ADGRB3: variants seen among roughly 807,000 people sequenced by gnomAD.
ADGRB3 encodes adhesion G protein-coupled receptor B3, also known as brain-specific angiogenesis inhibitor 3.
In ADGRB3, 37 loss-of-function variants were observed where a neutral mutation model predicts 193.4. The observed-to-expected ratio is 0.19, with a 90% CI of 0.15 to 0.25. ADGRB3 has a LOEUF of 0.25. ADGRB3 is among the 10% of genes least tolerant of loss of function. ADGRB3 has a pLI of 1.00. For missense variants in ADGRB3, 1,637 were observed against 1,852.9 expected (o/e 0.88, Z 2.14); for synonymous variants, 690 against 644.2 (o/e 1.07, Z -1.08).
chr6:69,326,199 C>T (rs1397829352), intron 21 of ADGRB3, among the ~76,000 whole-genome samples: 4 of 152,134 alleles, frequency 2.6e-5, no homozygotes, highest in Non-Finnish European at 4.4e-5. Flanking sequence ...GCCAAGATCA[C>T]ACCACGACAC....
chr6:68,939,466 C>G (rs1353213616), intron 5 of ADGRB3, among the ~76,000 whole-genome samples: 1 of 152,042 alleles, frequency 6.6e-6, no homozygotes, highest in East Asian at 1.9e-4. Flanking sequence ...TAAGTAGTAC[C>G]ATTGAGAAGA....
chr6:69,151,908 T>A (rs1281612254), intron 17 of ADGRB3, among the ~76,000 whole-genome samples: 1 of 152,186 alleles, frequency 6.6e-6, no homozygotes, highest in Non-Finnish European at 1.5e-5. Flanking sequence ...GCTGTTCTTG[T>A]GATAGTGAGT....
chr6:68,767,547 A>G (rs1410655742), intron 3 of ADGRB3, among the ~76,000 whole-genome samples: 1 of 152,214 alleles, frequency 6.6e-6, no homozygotes, highest in Non-Finnish European at 1.5e-5. Context: ...ATCTCAAAAT[A>G]ATAAGAGCTA....
intron 8 of ADGRB3, among the ~76,000 whole-genome samples, chr6:68,967,347 T>G (rs1768412036): frequency 6.6e-6 from 1 of 152,154 alleles, no homozygotes; most frequent in Non-Finnish European, 1.5e-5. Flanking sequence ...ATGTGGTTGG[T>G]CAAAGGAAAA....
intron 3 of ADGRB3, among the ~76,000 whole-genome samples, chr6:68,745,556 T>A (rs1766067611): frequency 6.6e-6 from 1 of 152,054 alleles, no homozygotes; most frequent in South Asian, 2.1e-4. Flanking sequence ...TTAGTAAAGT[T>A]TGTTATGTGT....
intron 17 of ADGRB3, among the ~76,000 whole-genome samples, chr6:69,137,667 G>T (rs1300963377): frequency 6.6e-6 from 1 of 151,944 alleles, no homozygotes; most frequent in African/African-American, 2.4e-5. Flanking sequence ...CATGGTGGCT[G>T]GCTCCTGTAG....
chr6:69,147,659 T>C (rs1774543177), intron 17 of ADGRB3, among the ~76,000 whole-genome samples: 1 of 152,190 alleles, frequency 6.6e-6, no homozygotes, highest in Admixed American at 6.5e-5. Context: ...ATTAAGTCCA[T>C]TTGGGCTATA....
intron 3 of ADGRB3, among the ~76,000 whole-genome samples, chr6:68,898,396 A>T (rs139859790): frequency 6.6e-6 from 1 of 152,244 alleles, no homozygotes; most frequent in African/African-American, 2.4e-5. Context: ...TACTGATTTA[A>T]ATGCTAATCT....
At chr6:68,812,237 A>G (rs1490016907) in intron 3 of ADGRB3, among the ~76,000 whole-genome samples, 2 of 152,236 alleles carry the variant, frequency 1.3e-5, no homozygotes, top group Non-Finnish European at 2.9e-5. Context: ...TGCCAGGCTA[A>G]GATAGTTTGA....
intron 13 of ADGRB3, among the ~76,000 whole-genome samples, chr6:69,030,557 T>C (rs896201879): frequency 2.6e-5 from 4 of 151,572 alleles, no homozygotes; most frequent in African/African-American, 9.7e-5. Context: ...TAGGTAGGAG[T>C]TGAACAATGA....
chr6:68,727,615 A>C (rs1257443058), intron 3 of ADGRB3, among the ~76,000 whole-genome samples: 1 of 151,528 alleles, frequency 6.6e-6, no homozygotes, highest in Admixed American at 6.6e-5. Flanking sequence ...TTAGACTAAA[A>C]AAAAGTTCAT....
At chr6:68,677,227 A>G (rs1337854045) in intron 3 of ADGRB3, among the ~76,000 whole-genome samples, 1 of 152,214 alleles carries the variant, frequency 6.6e-6, no homozygotes, top group Non-Finnish European at 1.5e-5. Flanking sequence ...CTGAAAGTTC[A>G]TTCTTCATGC....
intron 28 of ADGRB3, among the ~76,000 whole-genome samples, 197 bp from the exon 29 acceptor site, chr6:69,360,672 A>G (rs1414636195): frequency 1.3e-5 from 2 of 151,968 alleles, no homozygotes; most frequent in East Asian, 3.8e-4. Flanking sequence ...CTATGAGAGC[A>G]TAACAGAATC....
intron 31 of ADGRB3, among the ~76,000 whole-genome samples, chr6:69,386,865 A>G (rs1174446925): frequency 2.0e-5 from 3 of 152,062 alleles, no homozygotes; most frequent in Non-Finnish European, 4.4e-5. Context: ...CTGAATTCCC[A>G]TAGTACTTTT....
At chr6:69,034,770 ATCAC>A (rs1318829445) in intron 13 of ADGRB3, among the ~76,000 whole-genome samples, 4 of 151,922 alleles carry the variant, frequency 2.6e-5, no homozygotes, top group African/African-American at 7.2e-5. Context: ...AGTCAAAACC[ATCAC>A]TCATTTAGTG....
intron 3 of ADGRB3, among the ~76,000 whole-genome samples, chr6:68,927,271 C>T (rs1007635615): frequency 7.2e-5 from 11 of 152,002 alleles, no homozygotes; most frequent in Non-Finnish European, 1.2e-4. Flanking sequence ...TTCTTTTTCT[C>T]GTGTAACTAA....
At chr6:69,194,551 G>A (rs1765259663) in intron 17 of ADGRB3, among the ~76,000 whole-genome samples, 1 of 152,084 alleles carries the variant, frequency 6.6e-6, no homozygotes, top group Admixed American at 6.6e-5. Context: ...GCGTGAGAAT[G>A]GGCTTGAAAG....
chr6:68,875,701 A>G (rs1399658806), intron 3 of ADGRB3, among the ~76,000 whole-genome samples: 1 of 152,170 alleles, frequency 6.6e-6, no homozygotes, highest in Non-Finnish European at 1.5e-5. Flanking sequence ...TATTTTAAAT[A>G]TCAACTATAT....
At chr6:69,134,598 G>A (rs1020762514) in intron 17 of ADGRB3, among the ~76,000 whole-genome samples, 1 of 151,994 alleles carries the variant, frequency 6.6e-6, no homozygotes, top group Non-Finnish European at 1.5e-5. Flanking sequence ...ACAAGAAATT[G>A]AAAGGATGGT....
Sources: gnomAD v4.1 joint callset for allele counts (sites outside exome capture counted in the v4.1 genomes callset) on GRCh38, gnomAD v4.1.1 for gene constraint, MANE v1.5 for transcripts, NCBI Gene and HGNC (gene_info 2026-07-23, HGNC 2026-07-21) for gene names.